The following CNBD1 variants were observed in gnomAD, a reference collection of about 807,000 sequenced individuals.
The protein encoded by CNBD1 is cyclic nucleotide binding domain containing 1.
CNBD1 carries 71 observed loss-of-function variants against 54.4 expected under a neutral mutation model. The ratio of observed to expected loss-of-function variants is 1.30; its 90% CI spans 1.08 to 1.59. The LOEUF is 1.59. Among genes scored for constraint, CNBD1 ranks in the 40% most tolerant of loss-of-function variants. The probability of loss-of-function intolerance (pLI) is 0.00; values close to 1 mark genes in which losing one functional copy is unlikely to be tolerated. For missense variants in CNBD1, 659 were observed against 518.0 expected (o/e 1.27, Z -2.64); for synonymous variants, 182 against 170.7 (o/e 1.07, Z -0.51).
In CNBD1 at chr8:87,206,105, GTC is replaced by G; in HGVS notation, c.546_547del (p.Ser184ArgfsTer13). The G allele has an allele frequency of 3.8e-6, 6 of 1,589,654 alleles. No individual in the cohort carries two copies. The highest frequency in any genetic ancestry group is 5.1e-6 in the Non-Finnish European group (6 of 1,169,808). ...GCATCTGAAAACACTTAGTAAGACT[GTC>G]TTTTCCGAAACCTGGTTGAAAGGCA... ...DKHLKTLSKT[V>X]FSETWLKGST... On this transcript the variant is annotated frameshift_variant, in exon 5 of 11. Coordinates refer to ENST00000518476, the MANE Select transcript of CNBD1 (RefSeq NM_173538.3). LOFTEE classifies it high-confidence loss of function.
intron 2 of CNBD1, among the ~76,000 whole-genome samples, chr8:87,423,749 T>C (rs1807988840): frequency 6.6e-6 from 1 of 151,792 alleles, no homozygotes; most frequent in African/African-American, 2.4e-5. Flanking sequence ...TTTTTGGTTG[T>C]GTCTCTGCCC....
intron 4 of CNBD1, among the ~76,000 whole-genome samples, chr8:87,017,308 T>G (rs550378774): frequency 6.6e-6 from 1 of 152,332 alleles, no homozygotes; most frequent in South Asian, 2.1e-4. Context: ...TTCCCCTTTC[T>G]AATACTATAA....
At chr8:87,371,874 C>T (rs1165194268) in intron 10 of CNBD1, among the ~76,000 whole-genome samples, 2 of 151,870 alleles carry the variant, frequency 1.3e-5, no homozygotes, top group Non-Finnish European at 2.9e-5. Flanking sequence ...AACCCACAGC[C>T]AATATCATAC....
intron 8 of CNBD1, among the ~76,000 whole-genome samples, chr8:87,298,763 T>A (rs1010380858): frequency 2.0e-5 from 3 of 151,692 alleles, no homozygotes; most frequent in Non-Finnish European, 4.4e-5. Flanking sequence ...GGATTACAGA[T>A]GTGAGCCACC....
chr8:87,369,555 G>C (rs1810716910), intron 10 of CNBD1, among the ~76,000 whole-genome samples: 1 of 151,852 alleles, frequency 6.6e-6, no homozygotes, highest in South Asian at 2.1e-4. Context: ...TTTCATGTTT[G>C]AAGATTAGTT....
At chr8:87,224,383 G>C (rs1462168116) in intron 5 of CNBD1, among the ~76,000 whole-genome samples, 2 of 151,536 alleles carry the variant, frequency 1.3e-5, no homozygotes, top group Non-Finnish European at 2.9e-5. Context: ...TAGGTCTAAT[G>C]TTTAAGTCTT....
intron 3 of CNBD1, among the ~76,000 whole-genome samples, chr8:86,931,954 G>A (rs769031927): frequency 7.2e-5 from 11 of 152,098 alleles, no homozygotes; most frequent in Non-Finnish European, 1.6e-4. Context: ...TAGAACACAG[G>A]TCAACAGATG....
At chr8:87,315,814 A>G (rs1274915163) in intron 8 of CNBD1, among the ~76,000 whole-genome samples, 1 of 152,092 alleles carries the variant, frequency 6.6e-6, no homozygotes, top group Non-Finnish European at 1.5e-5. Context: ...ATAATAGTTT[A>G]TAATTTATTG....
intron 4 of CNBD1, among the ~76,000 whole-genome samples, chr8:87,094,802 C>T (rs1811284728): frequency 6.6e-6 from 1 of 152,178 alleles, no homozygotes; most frequent in Admixed American, 6.5e-5. Context: ...CTTTGGGAGG[C>T]CGAGGCAGGT....
chr8:87,410,748 G>A (rs1807727100), intron 2 of CNBD1, among the ~76,000 whole-genome samples: 1 of 152,108 alleles, frequency 6.6e-6, no homozygotes, highest in African/African-American at 2.4e-5. Flanking sequence ...TTTTGTGAAA[G>A]GAAGAGTCAG....
intron 4 of CNBD1, among the ~76,000 whole-genome samples, chr8:86,971,188 C>T (rs921314542): frequency 6.6e-6 from 1 of 152,052 alleles, no homozygotes; most frequent in Admixed American, 6.6e-5. Context: ...CTGGGGAGGC[C>T]TCAGGAAACT....
At chr8:87,268,299 T>A (rs1808301350) in intron 6 of CNBD1, among the ~76,000 whole-genome samples, 2 of 152,202 alleles carry the variant, frequency 1.3e-5, no homozygotes, top group South Asian at 4.2e-4. Flanking sequence ...TTTTGTATGG[T>A]TTTGTGTTAG....
At chr8:87,111,303 A>T (rs1189780286) in intron 4 of CNBD1, among the ~76,000 whole-genome samples, 1 of 152,240 alleles carries the variant, frequency 6.6e-6, no homozygotes, top group African/African-American at 2.4e-5. Context: ...CCATGTACCC[A>T]GCAGAAAATT....
At chr8:87,194,915 G>A (rs998688952) in intron 4 of CNBD1, among the ~76,000 whole-genome samples, 6 of 151,688 alleles carry the variant, frequency 4.0e-5, no homozygotes, top group African/African-American at 7.3e-5. Context: ...ACAGAGTCTC[G>A]CCCTGTCATC....
chr8:87,045,639 G>A (rs1810166496), intron 4 of CNBD1, among the ~76,000 whole-genome samples: 1 of 150,786 alleles, frequency 6.6e-6, no homozygotes, highest in South Asian at 2.1e-4. Context: ...GCAGGAGAAT[G>A]GCGTGAACCC....
intron 6 of CNBD1, among the ~76,000 whole-genome samples, chr8:87,268,701 A>G (rs1273069190): frequency 6.6e-6 from 1 of 152,150 alleles, no homozygotes; most frequent in Non-Finnish European, 1.5e-5. Context: ...GCATTTTAAA[A>G]TATATTCACT....
At chr8:86,937,244 A>G (rs1277831675) in intron 3 of CNBD1, among the ~76,000 whole-genome samples, 1 of 152,158 alleles carries the variant, frequency 6.6e-6, no homozygotes, top group African/African-American at 2.4e-5. Flanking sequence ...TACTATCATG[A>G]GAACAGCATG....
At chr8:87,116,856 C>A (rs1016182149) in intron 4 of CNBD1, among the ~76,000 whole-genome samples, 1 of 152,150 alleles carries the variant, frequency 6.6e-6, no homozygotes, top group Non-Finnish European at 1.5e-5. Context: ...CACCTCAGAA[C>A]AATACACACA....
chr8:87,175,422 A>T (rs1813177225), intron 4 of CNBD1, among the ~76,000 whole-genome samples: 1 of 152,142 alleles, frequency 6.6e-6, no homozygotes. Context: ...TTATTGCTGC[A>T]GTTATTCAGG....
Sources: allele counts gnomAD v4.1 joint callset (sites outside exome capture counted in the v4.1 genomes callset), GRCh38; gene constraint gnomAD v4.1.1; transcripts MANE v1.5; gene names NCBI Gene and HGNC (gene_info 2026-07-23, HGNC 2026-07-21).